Variants in NAP1L4 observed in about 807,000 individuals in gnomAD.
The protein encoded by NAP1L4 is nucleosome assembly protein 1 like 4, also known as nucleosome assembly protein 1-like 4.
Under a neutral mutation model 58.2 loss-of-function variants are expected in NAP1L4, and 15 were observed. The ratio of observed to expected loss-of-function variants is 0.26; its 90% confidence interval spans 0.17 to 0.40. The LOEUF is 0.40. NAP1L4 is among the 10% of genes least tolerant of loss of function. The pLI is 1.00. For missense variants in NAP1L4, 384 were observed against 451.1 expected (o/e 0.85, Z 1.35); for synonymous variants, 171 against 155.6 (o/e 1.10, Z -0.74).
rs568094107 is a variant in NAP1L4, at chr11:2,971,945, C to T, written c.315+157G>A. Among the ~76,000 whole-genome samples, 1 of 152,170 alleles carries T rather than the reference C, an allele frequency of 6.6e-6. No homozygotes were observed. Among genetic ancestry groups the T allele is most frequent in the Non-Finnish European group, 1.5e-5 (1 of 68,032 alleles). On this transcript the variant is annotated intron_variant, in intron 5 of 15. Coordinates refer to ENST00000380542, the MANE Select transcript of NAP1L4 (RefSeq NM_005969.4). This position sits in a 1 kb window ranked among gnomAD's most constrained non-coding sequence, Gnocchi z 4.2. ...TTGCCTGACTGCAGGCTAATGTTAG[C>T]GTTCTGAGCTTGTTTAAGGTAGTCT...
intron 1 of NAP1L4, among the ~76,000 whole-genome samples, chr11:2,984,084 A>G (rs1468460602): frequency 1.3e-5 from 2 of 148,358 alleles, no homozygotes; most frequent in Admixed American, 1.4e-4. Flanking sequence ...ACTCAAGCCC[A>G]GGAGTTGGAG....
Position 2,954,964 on chromosome 11 carries a change from C to A in NAP1L4, c.916-318G>T, listed in dbSNP as rs1364506792. On this transcript the variant is annotated intron_variant, in intron 11 of 15. Transcript: ENST00000380542. This position sits in a 1 kb window ranked among gnomAD's most constrained non-coding sequence, Gnocchi z 4.8. Reference sequence around the variant, plus strand: ...GGAAACAGGCAGTATTAAAGCACTGCACATTTGCTACTGAAATCAACATAT... The same window carrying A: ...GGAAACAGGCAGTATTAAAGCACTGAACATTTGCTACTGAAATCAACATAT... Among the ~76,000 whole-genome samples, 26 of 152,154 alleles carry A rather than the reference C, an allele frequency of 1.7e-4. No individual in the cohort carries two copies. The highest frequency in any genetic ancestry group is 1.5e-3 in the Admixed American group (23 of 15,274).
Position 2,959,842 on chromosome 11 carries a change from T to C in NAP1L4, c.674A>G (p.Tyr225Cys). 1.2e-6 allele frequency: 2 copies of C among 1,614,216 alleles called. No homozygotes were observed. The highest frequency in any genetic ancestry group is 1.7e-6 in the Non-Finnish European group (2 of 1,180,022). ...CTTATCTGGTTCTGATTTCATCTTG[T>C]AGGTTTTTGTCAGGACTGAGTTGGT... ...YFTNSVLTKT[Y>C]KMKSEPDKAD... The change falls in exon 9 of 16, where the codon TAC becomes TGC. Residue 225 changes from tyrosine (Y) to cysteine (C), a missense_variant. Tyr to Cys is a radical substitution (Grantham distance 194). Transcript: ENST00000380542. This position sits in a 1 kb window ranked among gnomAD's most constrained non-coding sequence, Gnocchi z 4.9.
chr11:2,954,638 A>G lies in NAP1L4; in HGVS notation c.924T>C (p.Asp308=), dbSNP rs752367119. The G allele has an allele frequency of 6.2e-7, 1 of 1,614,228 alleles. No individual in the cohort carries two copies. The highest frequency in any genetic ancestry group is 8.5e-7 in the Non-Finnish European group (1 of 1,180,042). The change falls in exon 12 of 16, where the codon GAT becomes GAC. Residue 308 remains aspartate (D), a synonymous_variant. Transcript: ENST00000380542. This position sits in a 1 kb window ranked among gnomAD's most constrained non-coding sequence, Gnocchi z 4.8. ...AATCAGAGGCTAATGTGAATTCAGA[A>G]TCTTCATCCTGAGGAGGAAAAACCT... ...ASGDGESLDE[D]SEFTLASDFE...
In NAP1L4 at chr11:2,958,514, A is replaced by G. The variant is rs750582062; in HGVS notation, c.777T>C (p.Asn259=). ...TTTTCTTGATGGTTTTGACAGTAAC[A>G]TTCTTTCCTTTCTTCCAGTCAATAG... The part of the protein sequence containing the change: ...GCTIDWKKGK[N]VTVKTIKKKQ... Residue 259 remains asparagine (N), a synonymous_variant, in exon 10 of 16, where the codon AAT becomes AAC. Transcript: ENST00000380542. The G allele has an allele frequency of 1.2e-6, 2 of 1,614,152 alleles. No individual in the cohort carries two copies. Among genetic ancestry groups the G allele is most frequent in the South Asian group, 1.1e-5 (1 of 91,060 alleles).
chr11:2,966,775 G>A (rs1319165825), intron 7 of NAP1L4, among the ~76,000 whole-genome samples: 2 of 152,162 alleles, frequency 1.3e-5, no homozygotes, highest in African/African-American at 2.4e-5. Context: ...GCTTTCCAGA[G>A]ATGGCACTGG....
In NAP1L4 at chr11:2,971,463, C is replaced by T. The variant is rs375996878; in HGVS notation, c.387G>A (p.Glu129=). ...AAAGACTTACAGCCAATTTCTCTTC[C>T]TCTTCATTTTCACTGTGCCATTCCG... ...AESEWHSENE[E]EEKLAGDMKS... The change falls in exon 6 of 16, where the codon GAG becomes GAA. Residue 129 remains glutamate, a synonymous_variant. Coordinates refer to ENST00000380542, the MANE Select transcript of NAP1L4 (RefSeq NM_005969.4). The surrounding 1 kb of genome is among the most constrained non-coding windows in gnomAD (Gnocchi z 4.2). The T allele has an allele frequency of 3.7e-6, 6 of 1,613,756 alleles. No homozygotes were observed. The highest frequency in any genetic ancestry group is 5.1e-6 in the Non-Finnish European group (6 of 1,179,984).
At chr11:2,968,095 C>T (rs1847394247) in intron 7 of NAP1L4, among the ~76,000 whole-genome samples, 1 of 152,188 alleles carries the variant, frequency 6.6e-6, no homozygotes, top group Admixed American at 6.5e-5. Context: ...ATGAGCCAGA[C>T]AGCCCCACAG....
At position 2,954,515 on chromosome 11, in the gene NAP1L4, C is replaced by T. The variant is rs748865371; in HGVS notation, c.1035+12G>A. ...CACCCAGGTGGAAGCCCCCCTTCCCCGAGCCTCATACATTGTCATCATCTT... is the reference window on the plus strand; with the variant it reads ...CACCCAGGTGGAAGCCCCCCTTCCCTGAGCCTCATACATTGTCATCATCTT... On this transcript the variant is annotated intron_variant, in intron 12 of 15. Coordinates refer to ENST00000380542, the MANE Select transcript of NAP1L4 (RefSeq NM_005969.4). This position sits in a 1 kb window ranked among gnomAD's most constrained non-coding sequence, Gnocchi z 4.8. 6.1e-5 allele frequency: 98 copies of T among 1,613,420 alleles called. No individual in the cohort carries two copies. Among genetic ancestry groups the T allele is most frequent in the African/African-American group, 9.3e-5 (7 of 74,886 alleles).
rs543305071 is a variant in NAP1L4, at chr11:2,951,394, G to C, written c.1066-79C>G. ...CATTCACAATCCACAAACACAAGGA[G>C]CAAAACACTGCCTTAGATGGAAATC... On this transcript the variant is annotated intron_variant, in intron 13 of 15. Transcript: ENST00000380542. This position sits in a 1 kb window ranked among gnomAD's most constrained non-coding sequence, Gnocchi z 4.0. 8 of 1,182,646 alleles carry C rather than the reference G, an allele frequency of 6.8e-6. No homozygotes were observed. Among genetic ancestry groups the C allele is most frequent in the Non-Finnish European group, 1.0e-5 (8 of 789,668 alleles). 73.3% of individuals were successfully genotyped at this position (1,182,646 alleles called of 1,614,324 possible).
At chr11:2,947,780 C>T (rs16928838) in intron 15 of NAP1L4, among the ~76,000 whole-genome samples, 3,296 of 152,278 alleles carry the variant, frequency 0.022, 121 homozygotes, top group African/African-American at 0.075. Context: ...TCTCATCTCT[C>T]ATGGGACCAT....
At chr11:2,957,911 A>C (rs1448879096) in intron 10 of NAP1L4, among the ~76,000 whole-genome samples, 1 of 152,242 alleles carries the variant, frequency 6.6e-6, no homozygotes, top group East Asian at 1.9e-4. Flanking sequence ...CAGATGATCC[A>C]AAAGCAGCAC....
Position 2,944,919 on chromosome 11 carries a change from T to C in NAP1L4, c.*760A>G, listed in dbSNP as rs1845863187. 1 of 152,044 alleles carries C rather than the reference T, an allele frequency of 6.6e-6. No homozygotes were observed. Among genetic ancestry groups the C allele is most frequent in the African/African-American group, 2.4e-5 (1 of 41,382 alleles). The allele number at this position is 152,044 out of a possible 1,614,324, so 9.4% of individuals were successfully genotyped here. A position where few individuals can be genotyped will look rare whatever the true frequency, so the allele number is the denominator to read the frequency against. Reference sequence around the variant, plus strand: ...TTCCTGCTCAGGGCACCAAGGTGGTTCAGAAACGTTAAGGACGAGCCACAG... The same window carrying C: ...TTCCTGCTCAGGGCACCAAGGTGGTCCAGAAACGTTAAGGACGAGCCACAG... On this transcript the variant is annotated 3_prime_UTR_variant, in exon 16 of 16. Coordinates refer to ENST00000380542, the MANE Select transcript of NAP1L4 (RefSeq NM_005969.4).
chr11:2,987,003 G>A (rs1454373630), intron 1 of NAP1L4, among the ~76,000 whole-genome samples: 1 of 152,068 alleles, frequency 6.6e-6, no homozygotes, highest in Non-Finnish European at 1.5e-5. Context: ...CAATCCAAGA[G>A]AGTCTGACCA....
At chr11:2,974,952 C>T (rs1399110060) in intron 4 of NAP1L4, among the ~76,000 whole-genome samples, 2 of 151,994 alleles carry the variant, frequency 1.3e-5, no homozygotes, top group African/African-American at 2.4e-5. Context: ...CACTTGAACC[C>T]GGGAGGCGGA....
chr11:2,958,240 A>G, intron 10 of NAP1L4, 159 bp downstream of exon 10: 1 of 759,710 alleles, frequency 1.3e-6, no homozygotes, highest in Non-Finnish European at 2.3e-6. Flanking sequence ...TAAACTTGCC[A>G]GCGCACCAAC....
intron 7 of NAP1L4, 26 bp downstream of exon 7, chr11:2,969,777 T>G: frequency 6.3e-7 from 1 of 1,587,196 alleles, no homozygotes; most frequent in South Asian, 1.2e-5. Flanking sequence ...GCACATAATC[T>G]CTCTACAAGA....
intron 1 of NAP1L4, among the ~76,000 whole-genome samples, chr11:2,983,592 G>GAAA (rs545028521): frequency 1.4e-5 from 2 of 141,882 alleles, no homozygotes; most frequent in African/African-American, 2.6e-5. Context: ...CGGTATTCTG[G>GAAA]AAAAAAAAAA....
At chr11:2,992,012 A>T (rs1473378529) in intron 1 of NAP1L4, 2 of 152,144 alleles carry the variant, frequency 1.3e-5, no homozygotes, top group East Asian at 3.9e-4. Flanking sequence ...GCGCGCCGGG[A>T]GTTGGGAGGG....
Sources: gnomAD v4.1 joint callset for allele counts (sites outside exome capture counted in the v4.1 genomes callset) on GRCh38, gnomAD v4.1.1 for gene constraint, Gnocchi (gnomAD v3.1) non-coding constraint, MANE v1.5 for transcripts, NCBI Gene and HGNC (gene_info 2026-07-23, HGNC 2026-07-21) for gene names.